RAD51B: variants seen among roughly 807,000 people sequenced by gnomAD.
RAD51B encodes DNA repair protein RAD51 homolog 2.
In RAD51B, 38 loss-of-function variants were observed where a neutral mutation model predicts 42.2. The ratio of observed to expected loss-of-function variants is 0.90; its 90% CI spans 0.70 to 1.18. RAD51B has a LOEUF of 1.18. Among genes scored for constraint, RAD51B ranks in the 50% most tolerant of loss-of-function variants. RAD51B has a pLI of 0.00. For synonymous variants in RAD51B, 154 were observed against 145.2 expected, an observed-to-expected ratio of 1.06 and a Z score of -0.43; for missense variants, 373 against 400.7, an observed-to-expected ratio of 0.93 and a Z score of 0.59.
intron 7 of RAD51B, chr14:68,114,196 A>G (rs563381081): frequency 1.3e-5 from 2 of 152,236 alleles, no homozygotes; most frequent in African/African-American, 4.8e-5. Flanking sequence ...GATCATTGCT[A>G]GTGACAGCCT....
intron 7 of RAD51B, among the ~76,000 whole-genome samples, chr14:68,035,507 C>T (rs1474935391): frequency 6.6e-6 from 1 of 152,146 alleles, no homozygotes; most frequent in Admixed American, 6.5e-5. Flanking sequence ...TACTGTTTTA[C>T]AACTTTTATG....
At chr14:68,151,993 G>A (rs977659912) in intron 7 of RAD51B, among the ~76,000 whole-genome samples, 14 of 151,420 alleles carry the variant, frequency 9.2e-5, no homozygotes, top group African/African-American at 2.4e-4. Flanking sequence ...ACAGGCATGC[G>A]CCACCATGCC....
chr14:67,969,107 G>A (rs751287051), intron 7 of RAD51B, among the ~76,000 whole-genome samples: 1 of 152,214 alleles, frequency 6.6e-6, no homozygotes, highest in Non-Finnish European at 1.5e-5. Context: ...AACAGTATGG[G>A]GGAAACTGCC....
At chr14:68,375,713 C>T (rs559536396) in intron 8 of RAD51B, among the ~76,000 whole-genome samples, 2 of 152,200 alleles carry the variant, frequency 1.3e-5, no homozygotes, top group South Asian at 4.2e-4. Context: ...ACTTGGTAAA[C>T]ATTTGTTGAA....
intron 7 of RAD51B, among the ~76,000 whole-genome samples, chr14:68,199,755 C>A (rs944515869): frequency 6.6e-6 from 1 of 152,196 alleles, no homozygotes; most frequent in African/African-American, 2.4e-5. Flanking sequence ...CCACCCACTG[C>A]CATTCAATAA....
At chr14:68,089,759 C>T (rs548541052) in intron 7 of RAD51B, among the ~76,000 whole-genome samples, 19 of 152,262 alleles carry the variant, frequency 1.2e-4, no homozygotes, top group African/African-American at 4.6e-4. Context: ...AAAACGCAGA[C>T]TTTGGCAAAA....
intron 10 of RAD51B, among the ~76,000 whole-genome samples, chr14:68,618,522 A>G (rs1250489194): frequency 6.6e-6 from 1 of 152,192 alleles, no homozygotes; most frequent in Admixed American, 6.5e-5. Context: ...GATTAAGCTT[A>G]AAGTATTGCA....
intron 9 of RAD51B, chr14:68,422,045 G>A: frequency 1.3e-6 from 2 of 1,537,302 alleles, no homozygotes; most frequent in Non-Finnish European, 1.8e-6. Context: ...GTGAAAGCAG[G>A]AAACCTTATA....
chr14:68,421,287 G>A (rs2084692060), intron 9 of RAD51B, among the ~76,000 whole-genome samples: 1 of 152,130 alleles, frequency 6.6e-6, no homozygotes, highest in South Asian at 2.1e-4. Context: ...TCTGGCTGCT[G>A]TTGCTGGGGG....
intron 7 of RAD51B, among the ~76,000 whole-genome samples, chr14:68,084,646 G>A (rs141912615): frequency 6.6e-6 from 1 of 152,162 alleles, no homozygotes; most frequent in Non-Finnish European, 1.5e-5. Flanking sequence ...TAAATGTTGG[G>A]GTAATATTTT....
chr14:68,268,226 C>T (rs972343618), intron 7 of RAD51B, among the ~76,000 whole-genome samples: 2 of 152,194 alleles, frequency 1.3e-5, no homozygotes, highest in African/African-American at 4.8e-5. Context: ...CTTGAATGAG[C>T]TATTAAAATG....
rs377759055 is a variant in RAD51B at position 68,339,539 on chromosome 14, G to A, written c.853+47559G>A. 23 of 391,714 alleles carry A rather than the reference G, an allele frequency of 5.9e-5. 1 individual carries two copies. Among genetic ancestry groups the A allele is most frequent in the Admixed American group, 8.7e-5 (2 of 22,950 alleles). The allele number at this position is 391,714 out of a possible 1,614,324, so 24.3% of individuals were successfully genotyped here. ...CTTTCCTTTCAGCATCTTGGGTGGC[G>A]GGAGGAGAGACTTATGGTTGCCATA... On this transcript the variant is annotated intron_variant, in intron 8 of 10. Coordinates refer to ENST00000471583, the MANE Select transcript of RAD51B (RefSeq NM_133510.4).
chr14:68,210,236 G>T (rs1403401599), intron 7 of RAD51B, among the ~76,000 whole-genome samples: 1 of 152,138 alleles, frequency 6.6e-6, no homozygotes, highest in African/African-American at 2.4e-5. Context: ...TAGGATTACA[G>T]GTGTGAGCCA....
At chr14:68,138,565 ATC>A (rs1331127296) in intron 7 of RAD51B, among the ~76,000 whole-genome samples, 1 of 152,032 alleles carries the variant, frequency 6.6e-6, no homozygotes, top group African/African-American at 2.4e-5. Flanking sequence ...CTTTCTCTGT[ATC>A]TGTCTCTCTC....
chr14:68,283,606 C>T (rs753899767), intron 7 of RAD51B, among the ~76,000 whole-genome samples: 1 of 152,310 alleles, frequency 6.6e-6, no homozygotes, highest in East Asian at 1.9e-4. Flanking sequence ...TGACAGGATG[C>T]CGTCGGGGTT....
chr14:68,048,113 G>T (rs1464431979), intron 7 of RAD51B, among the ~76,000 whole-genome samples: 1 of 152,150 alleles, frequency 6.6e-6, no homozygotes, highest in Non-Finnish European at 1.5e-5. Flanking sequence ...TACATAGTGA[G>T]CAATCAAAAC....
chr14:68,609,649 A>G (rs899850259), intron 10 of RAD51B, among the ~76,000 whole-genome samples: 15 of 152,170 alleles, frequency 9.9e-5, no homozygotes, highest in Non-Finnish European at 1.3e-4. Context: ...AGCCACAAGC[A>G]TGGCGTCCTC....
At chr14:68,097,523 A>G (rs1055513082) in intron 7 of RAD51B, among the ~76,000 whole-genome samples, 43 of 152,168 alleles carry the variant, frequency 2.8e-4, no homozygotes, top group Admixed American at 1.3e-4. Flanking sequence ...CATATACACA[A>G]CAGTCAGACT....
At chr14:68,485,114 G>A (rs1883521338) in intron 10 of RAD51B, among the ~76,000 whole-genome samples, 1 of 152,230 alleles carries the variant, frequency 6.6e-6, no homozygotes, top group Admixed American at 6.5e-5. Flanking sequence ...GGGAAGGCCA[G>A]CTTTTCCTAG....
Sources: allele counts gnomAD v4.1 joint callset (sites outside exome capture counted in the v4.1 genomes callset), GRCh38; gene constraint gnomAD v4.1.1; transcripts MANE v1.5; gene names NCBI Gene and HGNC (gene_info 2026-07-23, HGNC 2026-07-21).